CUX2: variants seen among roughly 807,000 people sequenced by gnomAD.
The protein encoded by CUX2 is homeobox protein cut-like 2.
Under a neutral mutation model 144.8 loss-of-function variants are expected in CUX2, and 40 were observed. That is an observed-to-expected ratio of 0.28 (90% CI 0.21 to 0.36). The LOEUF (loss-of-function observed/expected upper bound fraction) is 0.36, where lower values mean the gene tolerates loss of function less well. Ranked by LOEUF, CUX2 falls within the 10% of genes least tolerant of loss-of-function variation. CUX2 has a pLI of 1.00. For synonymous variants in CUX2, 827 were observed against 875.6 expected, an observed-to-expected ratio of 0.94 and a Z score of 0.98; for missense variants, 1,615 against 1,994.0, an observed-to-expected ratio of 0.81 and a Z score of 3.62.
chr12:111,264,547 C>T (rs1350809725), intron 4 of CUX2, among the ~76,000 whole-genome samples: 4 of 152,124 alleles, frequency 2.6e-5, no homozygotes, highest in Admixed American at 2.6e-4. Context: ...CCAGTCTGGC[C>T]AACCCAGCGG....
At chr12:111,225,697 T>G (rs1437596039) in intron 3 of CUX2, among the ~76,000 whole-genome samples, 1 of 152,092 alleles carries the variant, frequency 6.6e-6, no homozygotes, top group Non-Finnish European at 1.5e-5. Flanking sequence ...GATCTGCAGG[T>G]GGTTAGGGCC....
At chr12:111,212,420 T>C (rs1401643293) in intron 1 of CUX2, among the ~76,000 whole-genome samples, 1 of 152,132 alleles carries the variant, frequency 6.6e-6, no homozygotes, top group African/African-American at 2.4e-5. Flanking sequence ...ACAGGGTCTC[T>C]CTCTGTCACC....
At chr12:111,221,746 C>T (rs1006552922) in intron 3 of CUX2, among the ~76,000 whole-genome samples, 5 of 151,986 alleles carry the variant, frequency 3.3e-5, no homozygotes, top group Admixed American at 3.3e-4. Flanking sequence ...TACTTCTTAT[C>T]TTTTTATATT....
intron 1 of CUX2, among the ~76,000 whole-genome samples, chr12:111,152,694 C>T (rs1212195447): frequency 2.0e-5 from 3 of 152,192 alleles, no homozygotes; most frequent in African/African-American, 7.2e-5. Context: ...CTCTTGGGGC[C>T]TGAAAAATAG....
chr12:111,328,063 CAAT>C (rs368436750), intron 18 of CUX2, among the ~76,000 whole-genome samples: 46 of 152,132 alleles, frequency 3.0e-4, no homozygotes, highest in African/African-American at 9.2e-4. Flanking sequence ...GTCTCAAAAA[CAAT>C]AATAATAATG....
intron 1 of CUX2, among the ~76,000 whole-genome samples, chr12:111,080,100 G>A (rs757270257): frequency 6.6e-5 from 10 of 152,120 alleles, no homozygotes; most frequent in South Asian, 6.2e-4. Flanking sequence ...TTTCTTGAAC[G>A]GACTGAGCAC....
chr12:111,319,692 A>G (rs1439977454), intron 16 of CUX2, among the ~76,000 whole-genome samples: 1 of 152,234 alleles, frequency 6.6e-6, no homozygotes, highest in African/African-American at 2.4e-5. Flanking sequence ...AGATCGTGCC[A>G]TTGCACTCCA....
At chr12:111,108,902 T>G (rs572883786) in intron 1 of CUX2, among the ~76,000 whole-genome samples, 31 of 152,302 alleles carry the variant, frequency 2.0e-4, no homozygotes, top group African/African-American at 7.0e-4. Context: ...TGTGAACTGG[T>G]GGTAACCCCA....
chr12:111,095,295 C>T (rs1467148728), intron 1 of CUX2, among the ~76,000 whole-genome samples: 1 of 152,016 alleles, frequency 6.6e-6, no homozygotes, highest in Non-Finnish European at 1.5e-5. Flanking sequence ...CCCATCTCTA[C>T]AAAAAATACA....
intron 1 of CUX2, among the ~76,000 whole-genome samples, chr12:111,075,669 T>C (rs763128321): frequency 2.6e-5 from 4 of 152,176 alleles, no homozygotes; most frequent in Non-Finnish European, 5.9e-5. Flanking sequence ...TGGGCGCTTA[T>C]TGTAGGCCTG....
chr12:111,243,427 T>G (rs1191601906), intron 3 of CUX2, among the ~76,000 whole-genome samples: 1 of 152,006 alleles, frequency 6.6e-6, no homozygotes, highest in Admixed American at 6.6e-5. Flanking sequence ...AGCCCTCCCA[T>G]TTTTTGAAAC....
At chr12:111,107,594 T>C (rs551436796) in intron 1 of CUX2, among the ~76,000 whole-genome samples, 1 of 152,352 alleles carries the variant, frequency 6.6e-6, no homozygotes, top group African/African-American at 2.4e-5. Context: ...ACATGTGCCC[T>C]GGCAGGCAGA....
intron 1 of CUX2, among the ~76,000 whole-genome samples, chr12:111,055,957 T>C (rs75680695): frequency 0.04 from 6,025 of 152,324 alleles, 412 homozygotes; most frequent in African/African-American, 0.14. Flanking sequence ...GCCACTTAGC[T>C]GCGTGGCTCT....
chr12:111,208,637 A>G (rs1488664654), intron 1 of CUX2, among the ~76,000 whole-genome samples: 5 of 152,182 alleles, frequency 3.3e-5, no homozygotes, highest in African/African-American at 7.2e-5. Flanking sequence ...TGGGAGACTC[A>G]GATATGATTC....
chr12:111,093,331 C>G (rs770997200), intron 1 of CUX2, among the ~76,000 whole-genome samples: 33 of 152,186 alleles, frequency 2.2e-4, no homozygotes, highest in East Asian at 1.9e-4. Context: ...TCTGGCTCGC[C>G]CAGGAGGGTG....
intron 1 of CUX2, among the ~76,000 whole-genome samples, chr12:111,063,239 C>T (rs996369399): frequency 1.3e-5 from 2 of 152,116 alleles, no homozygotes; most frequent in South Asian, 2.1e-4. Flanking sequence ...TGGTCCTCAC[C>T]ACATTCAAAT....
At chr12:111,288,828 T>C (rs1031434380) in intron 4 of CUX2, among the ~76,000 whole-genome samples, 8 of 152,142 alleles carry the variant, frequency 5.3e-5, no homozygotes, top group African/African-American at 1.9e-4. Flanking sequence ...CTGGGTGTGA[T>C]GGCGCGCATC....
At chr12:111,319,050 G>A (rs894740419) in intron 16 of CUX2, among the ~76,000 whole-genome samples, 4 of 151,854 alleles carry the variant, frequency 2.6e-5, no homozygotes, top group East Asian at 1.9e-4. Flanking sequence ...ACAGTGGCTC[G>A]AGCCTGTAAT....
chr12:111,331,712 A>C (rs1445554685), intron 18 of CUX2, among the ~76,000 whole-genome samples: 1 of 152,098 alleles, frequency 6.6e-6, no homozygotes, highest in Admixed American at 6.5e-5. Flanking sequence ...AAAGTCATCC[A>C]CCCGAGATCA....
Sources: gnomAD v4.1 joint callset for allele counts (sites outside exome capture counted in the v4.1 genomes callset) on GRCh38, gnomAD v4.1.1 for gene constraint, MANE v1.5 for transcripts, NCBI Gene and HGNC (gene_info 2026-07-23, HGNC 2026-07-21) for gene names.